Variants in EGR2 observed in about 807,000 individuals in gnomAD.
The protein encoded by EGR2 is E3 SUMO-protein ligase EGR2.
A neutral mutation model predicts 21.2 loss-of-function variants in EGR2; 2 were observed. That is an observed-to-expected ratio of 0.09 (90% confidence interval 0.04 to 0.30). The LOEUF (loss-of-function observed/expected upper bound fraction) is 0.30, where lower values mean the gene tolerates loss of function less well. Among genes scored for constraint, EGR2 ranks in the 10% least tolerant of loss-of-function variants. The pLI, the probability that EGR2 is intolerant of heterozygous loss-of-function variation, is 1.00. For missense variants in EGR2, 458 were observed against 630.2 expected (o/e 0.73, Z 2.93); for synonymous variants, 282 against 258.2 (o/e 1.09, Z -0.88).
At chr10:62,815,450 C>G (rs1221543109) in intron 1 of EGR2, among the ~76,000 whole-genome samples, 1 of 152,246 alleles carries the variant, frequency 6.6e-6, no homozygotes, top group Non-Finnish European at 1.5e-5. Flanking sequence ...TGGCGCTTCT[C>G]CGCCGCTCGG....
rs1411187953 is a variant in EGR2 at position 62,814,194 on chromosome 10, G to A, written c.444C>T (p.Pro148=). 7 of 1,614,044 alleles carry A rather than the reference G, an allele frequency of 4.3e-6. No homozygotes were observed. The highest frequency in any genetic ancestry group is 1.7e-5 in the Admixed American group (1 of 60,008). Residue 148 remains proline (P), a synonymous_variant, in exon 2 of 2, where the codon CCC becomes CCT. Transcript: ENST00000242480. The surrounding 1 kb of genome is among the most constrained non-coding windows in gnomAD (Gnocchi z 4.8). ...TCTGGGACATGGTGCACACACCCAG[G>A]GGTCCTGTGGCCAGTGGGTTGGGGG... ...SASPNPLATG[P]LGVCTMSQTQ...
Position 62,813,736 on chromosome 10 carries a change from G to A in EGR2, c.902C>T (p.Ala301Val). Residue 301 changes from alanine (A) to valine (V), a missense_variant, in exon 2 of 2, where the codon GCA (alanine) becomes GTA (valine). Physicochemically the swap from Ala to Val is moderately conservative, Grantham distance 64. This residue lies in a region of EGR2 where 253 missense variants were observed against 315.5 expected (regional missense o/e 0.80). Coordinates refer to ENST00000242480, the MANE Select transcript of EGR2 (RefSeq NM_000399.5). The surrounding 1 kb of genome is among the most constrained non-coding windows in gnomAD (Gnocchi z 5.7). ...GGCGGCGGCGGCGGCGGCTGCTGCTGCTGCTGAGCTGCTACCAGGCAGCCG... is the reference window on the plus strand; with the variant it reads ...GGCGGCGGCGGCGGCGGCTGCTGCTACTGCTGAGCTGCTACCAGGCAGCCG... ...GPRLPGSSSA[A>V]AAAAAAAAYN... The A allele has an allele frequency of 1.2e-6, 2 of 1,611,710 alleles. No individual in the cohort carries two copies. The highest frequency in any genetic ancestry group is 2.2e-5 in the South Asian group (2 of 91,046).
At chr10:62,817,740 G>C (rs892158926), upstream of EGR2, among the ~76,000 whole-genome samples, 2 of 152,132 alleles carry the variant, frequency 1.3e-5, no homozygotes, top group African/African-American at 4.8e-5. The surrounding 1 kb of genome is among the most constrained non-coding windows in gnomAD (Gnocchi z 4.4). Context: ...CGAGACCCCG[G>C]TAGAAACCCT....
Position 62,813,368 on chromosome 10 carries a change from T to C in EGR2, c.1270A>G (p.Lys424Glu). 6.2e-7 allele frequency: 1 copy of C among 1,607,520 alleles called. No homozygotes were observed. The highest frequency in any genetic ancestry group is 8.5e-7 in the Non-Finnish European group (1 of 1,175,036). The change falls in exon 2 of 2, where the codon AAA becomes GAA. Residue 424 changes from lysine to glutamate, a missense_variant. Physicochemically the swap from Lys to Glu is moderately conservative, Grantham distance 56. Transcript: ENST00000242480. The surrounding 1 kb of genome is among the most constrained non-coding windows in gnomAD (Gnocchi z 5.7). ...KRHTKIHLRQ[K>E]ERKSSAPSAS... The stretch of plus-strand genomic sequence containing the variant: ...GAGGGGGCACTGCTTTTCCGCTCTT[T>C]CTGTCTCAGGTGGATCTTGGTGTGG...
In EGR2 at chr10:62,814,075, A is replaced by G. The variant is rs1842196951; in HGVS notation, c.563T>C (p.Phe188Ser). 1 of 1,613,914 alleles carries G rather than the reference A, an allele frequency of 6.2e-7. No homozygotes were observed. Among genetic ancestry groups the G allele is most frequent in the South Asian group, 1.1e-5 (1 of 91,088 alleles). ...AGDLYQDPSA[F>S]LSAATTSTSS... ...GGTGGAGGTGGTGGCTGCTGACAGG[A>G]ACGCAGAAGGGTCCTGGTAGAGGTC... The change falls in exon 2 of 2, where the codon TTC (phenylalanine) becomes TCC (serine). Residue 188 changes from phenylalanine to serine, a missense_variant. Coordinates refer to ENST00000242480, the MANE Select transcript of EGR2 (RefSeq NM_000399.5). This position sits in a 1 kb window ranked among gnomAD's most constrained non-coding sequence, Gnocchi z 4.8.
At position 62,815,909 on chromosome 10, in the gene EGR2, T is replaced by A. The variant is rs1214911816; in HGVS notation, c.121A>T (p.Asn41Tyr). 1.2e-6 allele frequency: 2 copies of A among 1,614,142 alleles called. No homozygotes were observed. The highest frequency in any genetic ancestry group is 2.2e-5 in the South Asian group (2 of 91,082). ...TCAAAGGGGCCTCCCAGTTCGGCAT[T>A]GGGAAAGATGGTCACCGACGTGGCG... Reference protein sequence around the residue: ...LAATSVTIFPNAELGGPFDQM... With the variant: ...LAATSVTIFPYAELGGPFDQM... Residue 41 changes from asparagine to tyrosine, a missense_variant, in exon 1 of 2, where the codon AAT becomes TAT. Physicochemically the swap from Asn to Tyr is moderately radical, Grantham distance 143 (BLOSUM62 -2). Around this residue, in one of 5 missense-constraint regions of EGR2, gnomAD observed 91 missense variants for 105.2 expected, o/e 0.87. Transcript: ENST00000242480.
In EGR2 at chr10:62,813,854, G is replaced by C. The variant is rs1269405643; in HGVS notation, c.784C>G (p.Leu262Val). 6 of 1,614,192 alleles carry C rather than the reference G, an allele frequency of 3.7e-6. No individual in the cohort carries two copies. Among genetic ancestry groups the C allele is most frequent in the Non-Finnish European group, 5.1e-6 (6 of 1,180,044 alleles). ...PLDTLRVPPPLTPLSTIRNFT... is the reference protein window; with the variant it reads ...PLDTLRVPPPVTPLSTIRNFT... ...TTACGGATTGTAGAGAGTGGAGTGA[G>C]TGGAGGGGGCACCCGCAGGGTGTCC... Residue 262 changes from leucine (L) to valine (V), a missense_variant, in exon 2 of 2, where the codon CTC (leucine) becomes GTC (valine). Coordinates refer to ENST00000242480, the MANE Select transcript of EGR2 (RefSeq NM_000399.5). The surrounding 1 kb of genome is among the most constrained non-coding windows in gnomAD (Gnocchi z 5.7).
rs371616981 is a variant in EGR2, at chr10:62,813,761, G to A, written c.877C>T (p.Arg293Trp). The change falls in exon 2 of 2, where the codon CGG (arginine) becomes TGG (tryptophan). Residue 293 changes from arginine (R) to tryptophan (W), a missense_variant. Physicochemically the swap from Arg to Trp is moderately radical, Grantham distance 101. Transcript: ENST00000242480. This position sits in a 1 kb window ranked among gnomAD's most constrained non-coding sequence, Gnocchi z 5.7. Reference sequence around the variant, plus strand: ...GCTGCTGAGCTGCTACCAGGCAGCCGGGGTCCCTCGCTGCCTCCACTGGCC... The same window carrying A: ...GCTGCTGAGCTGCTACCAGGCAGCCAGGGTCCCTCGCTGCCTCCACTGGCC... ...PGASGGSEGP[R>W]LPGSSSAAAA... 1.2e-5 allele frequency: 20 copies of A among 1,612,122 alleles called. No individual in the cohort carries two copies. The highest frequency in any genetic ancestry group is 1.6e-5 in the Non-Finnish European group (19 of 1,179,394).
Position 62,814,042 on chromosome 10 carries a change from G to A in EGR2, c.596C>T (p.Ser199Phe). 1 of 1,614,208 alleles carries A rather than the reference G, an allele frequency of 6.2e-7. No homozygotes were observed. Residue 199 changes from serine to phenylalanine, a missense_variant, in exon 2 of 2, where the codon TCT becomes TTT. Physicochemically the swap from Ser to Phe is radical, Grantham distance 155. Around this residue, in one of 5 missense-constraint regions of EGR2, gnomAD observed 253 missense variants for 315.5 expected, o/e 0.80. Coordinates refer to ENST00000242480, the MANE Select transcript of EGR2 (RefSeq NM_000399.5). The surrounding 1 kb of genome is among the most constrained non-coding windows in gnomAD (Gnocchi z 4.8). Reference sequence around the variant, plus strand: ...GGAAGGAGGTGGTGGGTAGGCCAGAGAGGAAGAGGTGGAGGTGGTGGCTGC... The same window carrying A: ...GGAAGGAGGTGGTGGGTAGGCCAGAAAGGAAGAGGTGGAGGTGGTGGCTGC... ...LSAATTSTSS[S>F]LAYPPPPSYP...
Position 62,816,238 on chromosome 10 carries a change from C to T in EGR2, c.-209G>A. The T allele has an allele frequency of 7.0e-7, 1 of 1,434,854 alleles. No homozygotes were observed. Among genetic ancestry groups the T allele is most frequent in the Non-Finnish European group, 9.1e-7 (1 of 1,095,364 alleles). The allele number at this position is 1,434,854 out of a possible 1,614,324, so 88.9% of individuals were successfully genotyped here. A position where few individuals can be genotyped will look rare whatever the true frequency, so the allele number is the denominator to read the frequency against. On this transcript the variant is annotated 5_prime_UTR_variant, in exon 1 of 2. Transcript: ENST00000242480. The stretch of plus-strand genomic sequence containing the variant: ...GTTTTTTAAGAAATAAGAAAAATGT[C>T]TATTTGCCACTGACTCTCTCCTGTC...
In EGR2 at chr10:62,812,411, TTAAA is replaced by T. The variant is rs1434887831; in HGVS notation, c.*792_*795del. ...TTCAGAGAATATATGTACATCCCCCTTAAATAAGTTAACCTCTGAGATCATAAAT... is the reference window on the plus strand; with the variant it reads ...TTCAGAGAATATATGTACATCCCCCTTAAGTTAACCTCTGAGATCATAAAT... On this transcript the variant is annotated 3_prime_UTR_variant, in exon 2 of 2. Coordinates refer to ENST00000242480, the MANE Select transcript of EGR2 (RefSeq NM_000399.5). 1 of 152,796 alleles carries T rather than the reference TTAAA, an allele frequency of 6.5e-6. No homozygotes were observed. Among genetic ancestry groups the T allele is most frequent in the Non-Finnish European group, 1.5e-5 (1 of 68,042 alleles). 9.5% of individuals were successfully genotyped at this position (152,796 alleles called of 1,614,324 possible).
Position 62,816,227 on chromosome 10 carries a change from A to G in EGR2, c.-198T>C. The G allele has an allele frequency of 6.8e-7, 1 of 1,461,400 alleles. No individual in the cohort carries two copies. Among genetic ancestry groups the G allele is most frequent in the Non-Finnish European group, 9.0e-7 (1 of 1,110,516 alleles). 90.5% of individuals were successfully genotyped at this position (1,461,400 alleles called of 1,614,324 possible). On this transcript the variant is annotated 5_prime_UTR_variant, in exon 1 of 2. Coordinates refer to ENST00000242480, the MANE Select transcript of EGR2 (RefSeq NM_000399.5). The stretch of plus-strand genomic sequence containing the variant: ...AACAAGTTGCTGTTTTTTAAGAAAT[A>G]AGAAAAATGTCTATTTGCCACTGAC...
chr10:62,818,304 AGCCGGTATCCAGCG>A (rs1371665035), upstream of EGR2, among the ~76,000 whole-genome samples: 1 of 152,122 alleles, frequency 6.6e-6, no homozygotes, highest in Non-Finnish European at 1.5e-5. Context: ...CCTCCAAAAC[AGCCGGTATCCAGCG>A]GCCGGCCATC....
In EGR2 at chr10:62,812,250, A is replaced by G. The variant is rs1842124393; in HGVS notation, c.*957T>C. 1 of 141,512 alleles carries G rather than the reference A, an allele frequency of 7.1e-6. No individual in the cohort carries two copies. The allele number at this position is 141,512 out of a possible 1,614,324, so 8.8% of individuals were successfully genotyped here. A position where few individuals can be genotyped will look rare whatever the true frequency, so the allele number is the denominator to read the frequency against. On this transcript the variant is annotated 3_prime_UTR_variant, in exon 2 of 2. Transcript: ENST00000242480. ...ATTCCAAATATTAATAGGCAGAAAT[A>G]TACAGCCATACTAAACTCAGGGAGT... is the stretch of plus-strand genomic sequence containing the variant.
upstream of EGR2, chr10:62,818,613 C>T (rs996140126): frequency 7.8e-6 from 10 of 1,275,488 alleles, no homozygotes; most frequent in South Asian, 7.5e-5. Flanking sequence ...GGCAAGACGA[C>T]GCCTCGGAAG....
At chr10:62,815,347 G>A (rs1439465527) in intron 1 of EGR2, among the ~76,000 whole-genome samples, 2 of 152,150 alleles carry the variant, frequency 1.3e-5, no homozygotes, top group Admixed American at 1.3e-4. Context: ...GCGGCGGGCA[G>A]GTGGGGGCGC....
Position 62,812,129 on chromosome 10 carries a change from G to A in EGR2, c.*1078C>T, listed in dbSNP as rs527808510. 3 of 152,740 alleles carry A rather than the reference G, an allele frequency of 2.0e-5. No individual in the cohort carries two copies. The highest frequency in any genetic ancestry group is 4.8e-5 in the African/African-American group (2 of 41,510). 9.5% of individuals were successfully genotyped at this position (152,740 alleles called of 1,614,324 possible). ...GCTAATGACCAAACAAATCAGCTCCGGTAACATTATGTACATTCTTATCTG... is the reference window on the plus strand; with the variant it reads ...GCTAATGACCAAACAAATCAGCTCCAGTAACATTATGTACATTCTTATCTG... On this transcript the variant is annotated 3_prime_UTR_variant, in exon 2 of 2. Transcript: ENST00000242480.
chr10:62,813,177 G>C lies in EGR2; in HGVS notation c.*30C>G. 1 of 1,534,452 alleles carries C rather than the reference G, an allele frequency of 6.5e-7. No homozygotes were observed. Among genetic ancestry groups the C allele is most frequent in the Non-Finnish European group, 8.7e-7 (1 of 1,147,620 alleles). ...TGGACAAAGGGCCTCCGGGACCTTT[G>C]GGAGCTGGTGTATCAGCCTGAGTCT... On this transcript the variant is annotated 3_prime_UTR_variant, in exon 2 of 2. Coordinates refer to ENST00000242480, the MANE Select transcript of EGR2 (RefSeq NM_000399.5). The surrounding 1 kb of genome is among the most constrained non-coding windows in gnomAD (Gnocchi z 5.7).
upstream of EGR2, among the ~76,000 whole-genome samples, chr10:62,817,475 G>T (rs1000492190): frequency 2.6e-5 from 4 of 152,266 alleles, no homozygotes; most frequent in East Asian, 7.7e-4. This position sits in a 1 kb window ranked among gnomAD's most constrained non-coding sequence, Gnocchi z 4.4. Flanking sequence ...TGGACAGGAG[G>T]TTCTATGAAG....
Sources: allele counts gnomAD v4.1 joint callset (sites outside exome capture counted in the v4.1 genomes callset), GRCh38; gene constraint gnomAD v4.1.1; regional missense constraint gnomAD v4.1.1; non-coding constraint Gnocchi (gnomAD v3.1); transcripts MANE v1.5; gene names NCBI Gene and HGNC (gene_info 2026-07-23, HGNC 2026-07-21).